SEC22B: variants seen among roughly 807,000 people sequenced by gnomAD.
SEC22B encodes the protein SEC22 homolog B, vesicle trafficking protein, also known as vesicle-trafficking protein SEC22b.
SEC22B carries 10 observed loss-of-function variants against 31.4 expected under a neutral mutation model. The ratio of observed to expected loss-of-function variants is 0.32; its 90% CI spans 0.20 to 0.54. The LOEUF is 0.54. SEC22B is among the 20% of genes least tolerant of loss of function. The pLI, the probability that SEC22B is intolerant of heterozygous loss-of-function variation, is 0.94. For missense variants in SEC22B, 130 were observed against 263.4 expected, an observed-to-expected ratio of 0.49 and a Z score of 3.50; for synonymous variants, 60 against 95.9, an observed-to-expected ratio of 0.63 and a Z score of 2.19.
At chr1:120,173,011 C>T (rs1443743714) in intron 1 of SEC22B, among the ~76,000 whole-genome samples, 1 of 151,188 alleles carries the variant, frequency 6.6e-6, no homozygotes, top group East Asian at 2.0e-4. Context: ...ACAACTTTTG[C>T]CTTCATAGCT....
At chr1:120,168,314 T>C in intron 2 of SEC22B, among the ~76,000 whole-genome samples, 1 of 151,406 alleles carries the variant, frequency 6.6e-6, no homozygotes, top group East Asian at 1.9e-4. Context: ...GTATCATTTA[T>C]AACCACTGAT....
chr1:120,157,595 AAATTATAAT>A (rs1657649905), intron 4 of SEC22B: 1 of 151,144 alleles, frequency 6.6e-6, no homozygotes, highest in African/African-American at 2.5e-5. Context: ...TGCACATGAT[AAATTATAAT>A]AATTATTACA....
Position 120,160,476 on chromosome 1 carries a change from T to C in SEC22B, c.401A>G (p.Asn134Ser). ...CAATTCAGTGTTGATGGAGCCTAGA[T>C]TTCTTCGAGCACGACTGTCAATGTA... ...KLYIDSRARR[N>S]LGSINTELQD... The change falls in exon 4 of 5, where the codon AAT (asparagine) becomes AGT (serine). Residue 134 changes from asparagine (N) to serine (S), a missense_variant. Transcript: ENST00000578049. 2 of 1,610,498 alleles carry C rather than the reference T, an allele frequency of 1.2e-6. No individual in the cohort carries two copies. Among genetic ancestry groups the C allele is most frequent in the Non-Finnish European group, 1.7e-6 (2 of 1,177,988 alleles).
At chr1:120,174,243 T>C (rs1382555851) in intron 1 of SEC22B, among the ~76,000 whole-genome samples, 2 of 152,296 alleles carry the variant, frequency 1.3e-5, no homozygotes, top group Non-Finnish European at 2.9e-5. Context: ...TCTAATATGG[T>C]AGTATGAGGA....
In SEC22B at chr1:120,176,354, C is replaced by A; in HGVS notation, c.28G>T (p.Val10Leu). 1 of 1,613,662 alleles carries A rather than the reference C, an allele frequency of 6.2e-7. No individual in the cohort carries two copies. The highest frequency in any genetic ancestry group is 8.5e-7 in the Non-Finnish European group (1 of 1,179,860). ...GCGGCCAGCGGGAGCCCGTCCGCCA[C>A]TCGGGCGATCATTGTTAGCAACACC... MVLLTMIAR[V>L]ADGLPLAASM... The change falls in exon 1 of 5, where the codon GTG becomes TTG. Residue 10 changes from valine to leucine, a missense_variant. By Grantham distance (32) the Val-to-Leu change is conservative. This residue lies in a region of SEC22B where 32 missense variants were observed against 26.3 expected (regional missense o/e 1.22). Transcript: ENST00000578049.
chr1:120,163,866 C>G (rs1657759623), intron 2 of SEC22B, among the ~76,000 whole-genome samples: 2 of 151,456 alleles, frequency 1.3e-5, no homozygotes, highest in East Asian at 3.9e-4. Flanking sequence ...GCGTGAGCCA[C>G]TGCACCCAGC....
At chr1:120,161,099 T>A (rs1196924264) in intron 3 of SEC22B, among the ~76,000 whole-genome samples, 82 of 152,300 alleles carry the variant, frequency 5.4e-4, no homozygotes, top group African/African-American at 1.9e-3. Flanking sequence ...AAGGCTGCTA[T>A]CAGAATCCTT....
At chr1:120,168,282 T>A (rs1657843926) in intron 2 of SEC22B, among the ~76,000 whole-genome samples, 1 of 151,366 alleles carries the variant, frequency 6.6e-6, no homozygotes, top group African/African-American at 2.4e-5. Flanking sequence ...CCAATAATGT[T>A]CCTTTGAGTC....
At chr1:120,176,169 A>C in intron 1 of SEC22B, 138 bp downstream of exon 1, 1 of 706,784 alleles carries the variant, frequency 1.4e-6, no homozygotes, top group Non-Finnish European at 2.4e-6. Flanking sequence ...CTACACCAAA[A>C]GATAAAAGCG....
At position 120,152,716 on chromosome 1, in the gene SEC22B, A is replaced by G. The variant is rs1657564554; in HGVS notation, c.*4322T>C. The G allele has an allele frequency of 7.2e-6, 1 of 138,338 alleles. No individual in the cohort carries two copies. The highest frequency in any genetic ancestry group is 6.8e-5 in the Admixed American group (1 of 14,770). The allele number at this position is 138,338 out of a possible 1,614,324, so 8.6% of individuals were successfully genotyped here. A position where few individuals can be genotyped will look rare whatever the true frequency, so the allele number is the denominator to read the frequency against. The stretch of plus-strand genomic sequence containing the variant: ...GTAAATTTAAAAAGTACGGAATAAT[A>G]AAAAGAAATTGCAAAAAATAACTTT... On this transcript the variant is annotated 3_prime_UTR_variant, in exon 5 of 5. Transcript: ENST00000578049.
chr1:120,166,396 T>TAC (rs1268229455), intron 2 of SEC22B, among the ~76,000 whole-genome samples: 47,976 of 143,496 alleles, frequency 0.33, 5,726 homozygotes, highest in Non-Finnish European at 0.41. Context: ...AAGTGTTTTT[T>TAC]ACACACACAC....
intron 2 of SEC22B, among the ~76,000 whole-genome samples, chr1:120,166,424 C>CAT (rs1355470458): frequency 1.3e-5 from 2 of 151,468 alleles, no homozygotes; most frequent in Non-Finnish European, 2.9e-5. Context: ...CACACACACA[C>CAT]ACACACCATG....
At chr1:120,170,496 A>T (rs1451202137) in intron 1 of SEC22B, among the ~76,000 whole-genome samples, 2 of 150,078 alleles carry the variant, frequency 1.3e-5, no homozygotes, top group Non-Finnish European at 2.9e-5. Flanking sequence ...AAAATGGTGA[A>T]CTGGAAATTT....
chr1:120,168,361 AAAT>A (rs1422838854), intron 2 of SEC22B, among the ~76,000 whole-genome samples: 11 of 152,026 alleles, frequency 7.2e-5, no homozygotes, highest in Admixed American at 5.9e-4. Flanking sequence ...TCTTTTTTCA[AAAT>A]AATAATAACT....
rs1553228947 is a variant in SEC22B, at chr1:120,153,142, A to G, written c.*3896T>C. The G allele has an allele frequency of 6.6e-6, 1 of 151,938 alleles. No homozygotes were observed. The allele number at this position is 151,938 out of a possible 1,614,324, so 9.4% of individuals were successfully genotyped here. On this transcript the variant is annotated 3_prime_UTR_variant, in exon 5 of 5. Coordinates refer to ENST00000578049, the MANE Select transcript of SEC22B (RefSeq NM_004892.6). ...TACTGCTAGGTCAACGCTGCCTGACAGTAATAAGAATAGGATGTGAGATTC... is the reference window on the plus strand; with the variant it reads ...TACTGCTAGGTCAACGCTGCCTGACGGTAATAAGAATAGGATGTGAGATTC...
intron 4 of SEC22B, chr1:120,158,336 AG>A (rs1657661049): frequency 7.8e-6 from 1 of 128,628 alleles, no homozygotes; most frequent in South Asian, 2.4e-4. Flanking sequence ...GACAATGCAC[AG>A]GGCATCTTTT....
At chr1:120,165,773 C>T (rs1363666727) in intron 2 of SEC22B, among the ~76,000 whole-genome samples, 6 of 151,718 alleles carry the variant, frequency 4.0e-5, no homozygotes, top group Non-Finnish European at 8.8e-5. Flanking sequence ...GGTTCATGTC[C>T]TGAAACATTT....
intron 3 of SEC22B, 64 bp downstream of exon 3, chr1:120,163,146 T>C: frequency 1.8e-6 from 1 of 559,326 alleles, no homozygotes; most frequent in Non-Finnish European, 3.1e-6. Context: ...TATATCAGTG[T>C]AACAAATAGC....
chr1:120,164,517 C>G (rs1303828438), intron 2 of SEC22B, among the ~76,000 whole-genome samples: 13,959 of 139,612 alleles, frequency 0.1, no homozygotes, highest in East Asian at 0.28. Context: ...TGAGAATATA[C>G]AGTATTTAGT....
Sources: allele counts gnomAD v4.1 joint callset (sites outside exome capture counted in the v4.1 genomes callset), GRCh38; gene constraint gnomAD v4.1.1; regional missense constraint gnomAD v4.1.1; transcripts MANE v1.5; gene names NCBI Gene and HGNC (gene_info 2026-07-23, HGNC 2026-07-21).